The following SNAP23 variants were observed in gnomAD, a reference collection of about 807,000 sequenced individuals.
SNAP23 encodes the protein synaptosomal-associated protein 23.
In SNAP23, 11 loss-of-function variants were observed where a neutral mutation model predicts 29.0. The ratio of observed to expected loss-of-function variants is 0.38; its 90% confidence interval spans 0.24 to 0.63. The LOEUF (loss-of-function observed/expected upper bound fraction) is 0.63. Among genes scored for constraint, SNAP23 ranks in the 20% least tolerant of loss-of-function variants. The pLI, the probability that SNAP23 is intolerant of heterozygous loss-of-function variation, is 0.58. For missense variants in SNAP23, 220 were observed against 253.9 expected (o/e 0.87, Z 0.91); for synonymous variants, 60 against 82.9 (o/e 0.72, Z 1.50).
At chr15:42,493,859 TC>T (rs1199113730), upstream of SNAP23, among the ~76,000 whole-genome samples, 1 of 152,100 alleles carries the variant, frequency 6.6e-6, no homozygotes, top group Non-Finnish European at 1.5e-5. Flanking sequence ...AACTTTAACT[TC>T]CTGTTACTAA....
chr15:42,526,251 T>A (rs535902976), intron 5 of SNAP23, among the ~76,000 whole-genome samples: 2 of 152,338 alleles, frequency 1.3e-5, no homozygotes, highest in African/African-American at 4.8e-5. Context: ...TTTCTTATTA[T>A]TAACAAAGAA....
At chr15:42,514,943 C>T (rs954279050) in intron 4 of SNAP23, among the ~76,000 whole-genome samples, 5 of 152,060 alleles carry the variant, frequency 3.3e-5, no homozygotes, top group Non-Finnish European at 5.9e-5. Flanking sequence ...CTCAGGTCAT[C>T]GCCCACCTCG....
At chr15:42,519,265 G>A (rs1437398387) in intron 5 of SNAP23, among the ~76,000 whole-genome samples, 1 of 151,794 alleles carries the variant, frequency 6.6e-6, no homozygotes, top group East Asian at 1.9e-4. Context: ...ATGTTGGCCA[G>A]GCTGGTCTTG....
At chr15:42,506,568 G>A (rs2057318624) in intron 1 of SNAP23, among the ~76,000 whole-genome samples, 1 of 152,178 alleles carries the variant, frequency 6.6e-6, no homozygotes, top group Non-Finnish European at 1.5e-5. Context: ...CTAAATTAAT[G>A]TAGATTATTT....
intron 1 of SNAP23, among the ~76,000 whole-genome samples, chr15:42,506,396 C>G (rs879831429): frequency 6.6e-6 from 1 of 152,150 alleles, no homozygotes; most frequent in African/African-American, 2.4e-5. Flanking sequence ...GGTCACCACA[C>G]CTGGCTATTT....
At position 42,531,744 on chromosome 15, in the gene SNAP23, C is replaced by T. The variant is rs535338135; in HGVS notation, c.*266C>T. 1.4e-5 allele frequency: 4 copies of T among 289,906 alleles called. No individual in the cohort carries two copies. Among genetic ancestry groups the T allele is most frequent in the South Asian group, 1.2e-4 (1 of 8,500 alleles). 18.0% of individuals were successfully genotyped at this position (289,906 alleles called of 1,614,324 possible). On this transcript the variant is annotated 3_prime_UTR_variant, in exon 8 of 8. Transcript: ENST00000249647. ...TCATGTTTAGTGTTTTCATCCTCCT[C>T]ATATACTTCAGCAGGTTCTTTTGCT...
intron 5 of SNAP23, among the ~76,000 whole-genome samples, chr15:42,522,993 C>T (rs1475366153): frequency 2.6e-5 from 4 of 151,566 alleles, no homozygotes; most frequent in African/African-American, 7.3e-5. Context: ...TACAAGCGTG[C>T]GCCACCACAC....
chr15:42,530,095 T>G (rs763146493), intron 7 of SNAP23, among the ~76,000 whole-genome samples: 2 of 152,166 alleles, frequency 1.3e-5, no homozygotes, highest in South Asian at 2.1e-4. Flanking sequence ...TTTGAGCGTG[T>G]TTTTTTCTCT....
intron 4 of SNAP23, among the ~76,000 whole-genome samples, 198 bp downstream of exon 4, chr15:42,513,645 A>G (rs1236157337): frequency 6.6e-5 from 10 of 152,176 alleles, no homozygotes; most frequent in East Asian, 1.9e-4. Flanking sequence ...ACAATGCCCA[A>G]TTGTATATAC....
At chr15:42,515,491 A>T in intron 5 of SNAP23, 137 bp downstream of exon 5, 1 of 600,990 alleles carries the variant, frequency 1.7e-6, no homozygotes, top group Non-Finnish European at 2.9e-6. Context: ...TCCTTCAGGC[A>T]GATTAAGCTT....
At chr15:42,513,240 A>G (rs760547832) in intron 3 of SNAP23, 159 bp from the exon 4 acceptor site, 3 of 769,158 alleles carry the variant, frequency 3.9e-6, no homozygotes, top group African/African-American at 1.7e-5. Flanking sequence ...GGGGGCTGCT[A>G]TGTTAAAGTG....
intron 1 of SNAP23, among the ~76,000 whole-genome samples, chr15:42,500,852 C>G (rs1340327742): frequency 6.6e-6 from 1 of 152,080 alleles, no homozygotes; most frequent in Non-Finnish European, 1.5e-5. Context: ...CATTTAGATT[C>G]ACTGACATTT....
At chr15:42,516,263 CAA>C (rs2057396266) in intron 5 of SNAP23, among the ~76,000 whole-genome samples, 2 of 152,126 alleles carry the variant, frequency 1.3e-5, no homozygotes, top group Admixed American at 6.6e-5. Flanking sequence ...TTCCTGGGCA[CAA>C]GAGATCCTCC....
upstream of SNAP23, chr15:42,495,543 A>AC: frequency 6.6e-6 from 1 of 151,960 alleles, no homozygotes; most frequent in South Asian, 2.1e-4. Context: ...GGACATTTAA[A>AC]CCCCCAGCAC....
At chr15:42,508,974 C>G (rs560505777) in intron 1 of SNAP23, among the ~76,000 whole-genome samples, 2 of 152,078 alleles carry the variant, frequency 1.3e-5, no homozygotes, top group Admixed American at 1.3e-4. Flanking sequence ...TTACACATGA[C>G]AGGAATAGAT....
upstream of SNAP23, among the ~76,000 whole-genome samples, chr15:42,493,169 G>A (rs2057188791): frequency 1.3e-5 from 2 of 151,900 alleles, no homozygotes; most frequent in African/African-American, 4.8e-5. Flanking sequence ...TGGTGAAACC[G>A]TGTCTCTACA....
intron 1 of SNAP23, among the ~76,000 whole-genome samples, chr15:42,499,752 G>A (rs975592738): frequency 6.6e-6 from 1 of 152,178 alleles, no homozygotes; most frequent in Non-Finnish European, 1.5e-5. Flanking sequence ...TTAAAATGAA[G>A]ATTGAACTAA....
chr15:42,491,974 T>C (rs1055644097), upstream of SNAP23, among the ~76,000 whole-genome samples: 23 of 151,890 alleles, frequency 1.5e-4, no homozygotes, highest in African/African-American at 5.6e-4. Flanking sequence ...GCAGAACCGC[T>C]CTCTTGGTTC....
intron 5 of SNAP23, among the ~76,000 whole-genome samples, chr15:42,519,640 G>T (rs1006529679): frequency 1.3e-5 from 2 of 151,904 alleles, no homozygotes; most frequent in Non-Finnish European, 2.9e-5. Context: ...AACGTGCTGG[G>T]GTTACAGGCA....
Sources: gnomAD v4.1 joint callset for allele counts (sites outside exome capture counted in the v4.1 genomes callset) on GRCh38, gnomAD v4.1.1 for gene constraint, MANE v1.5 for transcripts, NCBI Gene and HGNC (gene_info 2026-07-23, HGNC 2026-07-21) for gene names.